ZC3H12B: variants seen among roughly 807,000 people sequenced by gnomAD.
ZC3H12B encodes zinc finger CCCH-type containing 12B, also known as probable ribonuclease ZC3H12B.
A neutral mutation model predicts 43.9 loss-of-function variants in ZC3H12B; 7 were observed. That is an observed-to-expected ratio of 0.16 (90% CI 0.09 to 0.30). The LOEUF (loss-of-function observed/expected upper bound fraction) is 0.30, where lower values mean the gene tolerates loss of function less well. Among genes scored for constraint, ZC3H12B ranks in the 10% least tolerant of loss-of-function variants. The probability of loss-of-function intolerance (pLI) is 1.00; values close to 1 mark genes in which losing one functional copy is unlikely to be tolerated. For synonymous variants in ZC3H12B, 222 were observed against 241.7 expected (o/e 0.92, Z 0.76); for missense variants, 475 against 670.2 (o/e 0.71, Z 3.22).
At chrX:65,269,369 A>AC in the ZC3H12B span, among the ~76,000 whole-genome samples, 3 of 110,757 alleles carry the variant, frequency 2.7e-5, no homozygotes, top group African/African-American at 6.6e-5. Context: ...ACAAAACAAA[A>AC]AAAAAAAGGA....
At chrX:65,479,802 G>T (rs1489646998) in intron 3 of ZC3H12B, among the ~76,000 whole-genome samples, 1 of 112,521 alleles carries the variant, frequency 8.9e-6, no homozygotes, top group African/African-American at 3.2e-5. Flanking sequence ...AGAATGAAGG[G>T]ATTTATTGAA....
the ZC3H12B span, among the ~76,000 whole-genome samples, chrX:65,137,561 A>G: frequency 1.8e-5 from 2 of 112,316 alleles, no homozygotes; most frequent in Non-Finnish European, 3.8e-5. Context: ...ATTTAATTTT[A>G]TATCACATCA....
chrX:65,375,454 C>G (rs1227768516), intron 2 of ZC3H12B, among the ~76,000 whole-genome samples: 1 of 112,249 alleles, frequency 8.9e-6, no homozygotes, highest in South Asian at 3.7e-4. Flanking sequence ...GCTGAGACAC[C>G]AGCCATAGTG....
At chrX:65,291,602 A>G in the ZC3H12B span, among the ~76,000 whole-genome samples, 1 of 112,131 alleles carries the variant, frequency 8.9e-6, no homozygotes, top group Admixed American at 9.5e-5. Context: ...ATTGAGACAC[A>G]TAGAACCAGA....
the ZC3H12B span, among the ~76,000 whole-genome samples, chrX:65,298,504 G>A: frequency 9.0e-6 from 1 of 111,222 alleles, no homozygotes; most frequent in Non-Finnish European, 1.9e-5. Context: ...GAAAAGACTA[G>A]CAAATTAAAT....
At chrX:65,103,145 G>A in the ZC3H12B span, among the ~76,000 whole-genome samples, 1 of 111,277 alleles carries the variant, frequency 9.0e-6, no homozygotes, top group Non-Finnish European at 1.9e-5. Flanking sequence ...CACTATGGGA[G>A]ACCGGGGCTT....
At chrX:65,124,946 C>A in the ZC3H12B span, among the ~76,000 whole-genome samples, 1 of 110,673 alleles carries the variant, frequency 9.0e-6, no homozygotes, top group African/African-American at 3.3e-5. Flanking sequence ...CTTTTTGTTT[C>A]ATTTATCTTT....
chrX:65,296,444 A>G, the ZC3H12B span, among the ~76,000 whole-genome samples: 2 of 110,744 alleles, frequency 1.8e-5, no homozygotes, highest in African/African-American at 6.6e-5. Context: ...CTCAAAAATT[A>G]CCACTAAAGA....
At chrX:65,447,746 A>G (rs1197639539) in intron 3 of ZC3H12B, among the ~76,000 whole-genome samples, 1 of 111,851 alleles carries the variant, frequency 8.9e-6, no homozygotes, top group Non-Finnish European at 1.9e-5. Context: ...CAGCAAGAAA[A>G]AATAATAATA....
At chrX:65,170,719 G>C in the ZC3H12B span, among the ~76,000 whole-genome samples, 1 of 111,410 alleles carries the variant, frequency 9.0e-6, no homozygotes, top group Non-Finnish European at 1.9e-5. Flanking sequence ...ATTTCTTGGA[G>C]GCTTTGTTCA....
At chrX:65,281,436 G>T in the ZC3H12B span, among the ~76,000 whole-genome samples, 2 of 110,634 alleles carry the variant, frequency 1.8e-5, no homozygotes, top group Non-Finnish European at 3.8e-5. Flanking sequence ...AGCCAGGCTG[G>T]ATTGGTTTTG....
the ZC3H12B span, among the ~76,000 whole-genome samples, chrX:65,077,280 A>G: frequency 2.7e-5 from 3 of 111,892 alleles, no homozygotes; most frequent in Non-Finnish European, 5.6e-5. Context: ...GACAAAAGCT[A>G]CTGGCACTGA....
chrX:65,153,277 A>G, the ZC3H12B span, among the ~76,000 whole-genome samples: 1 of 112,245 alleles, frequency 8.9e-6, no homozygotes, highest in Admixed American at 9.5e-5. Context: ...AAAAGAAACT[A>G]TCATCAGAGT....
chrX:65,403,418 G>GTTT (rs1200810265), intron 3 of ZC3H12B, among the ~76,000 whole-genome samples: 1 of 111,431 alleles, frequency 9.0e-6, no homozygotes, highest in Non-Finnish European at 1.9e-5. Context: ...TATTCAACAG[G>GTTT]ATAATAAAAG....
chrX:65,469,458 C>T (rs2067875841), intron 3 of ZC3H12B: 1 of 418,360 alleles, frequency 2.4e-6, no homozygotes. Flanking sequence ...TGACTCCATG[C>T]TCTTCGAGCT....
the ZC3H12B span, among the ~76,000 whole-genome samples, chrX:65,150,764 T>G: frequency 8.9e-6 from 1 of 111,812 alleles, no homozygotes; most frequent in Non-Finnish European, 1.9e-5. Flanking sequence ...TGTCTTATCT[T>G]CCTACTTCCC....
chrX:65,129,616 C>A, the ZC3H12B span, among the ~76,000 whole-genome samples: 1 of 111,239 alleles, frequency 9.0e-6, no homozygotes, highest in Admixed American at 9.6e-5. Flanking sequence ...TCTTCACTTG[C>A]TTCAGGCCAT....
chrX:65,152,184 C>T, the ZC3H12B span, among the ~76,000 whole-genome samples: 3 of 111,498 alleles, frequency 2.7e-5, no homozygotes, highest in South Asian at 7.5e-4. Context: ...GACAGGGATG[C>T]CCTCTCTCAC....
At chrX:65,186,629 C>G in the ZC3H12B span, 1 of 109,216 alleles carries the variant, frequency 9.2e-6, no homozygotes, top group East Asian at 2.9e-4. Flanking sequence ...TTTGGTGCAC[C>G]CATCACCCAA....
Sources: gnomAD v4.1 joint callset for allele counts (sites outside exome capture counted in the v4.1 genomes callset) on GRCh38, gnomAD v4.1.1 for gene constraint, MANE v1.5 for transcripts, NCBI Gene and HGNC (gene_info 2026-07-23, HGNC 2026-07-21) for gene names.